The following NLRP5 variants were observed in gnomAD, a reference collection of about 807,000 sequenced individuals.
The protein encoded by NLRP5 is NLR family pyrin domain containing 5, also known as NACHT, LRR and PYD domains-containing protein 5.
In NLRP5, 93 loss-of-function variants were observed where a neutral mutation model predicts 113.1. The ratio of observed to expected loss-of-function variants is 0.82; its 90% CI spans 0.70 to 0.98. The LOEUF (loss-of-function observed/expected upper bound fraction) is 0.98. Ranked by LOEUF, NLRP5 falls within the 50% of genes least tolerant of loss-of-function variation. The pLI, the probability that NLRP5 is intolerant of heterozygous loss-of-function variation, is 0.00. For missense variants in NLRP5, 1,808 were observed against 1,514.3 expected, an observed-to-expected ratio of 1.19 and a Z score of -3.22; for synonymous variants, 751 against 600.7, an observed-to-expected ratio of 1.25 and a Z score of -3.66.
rs549871064 is a variant in NLRP5 at position 56,030,015 on chromosome 19, A to G, written c.2276+1506A>G. On this transcript the variant is annotated intron_variant, in intron 7 of 14. Coordinates refer to ENST00000390649, the MANE Select transcript of NLRP5 (RefSeq NM_153447.4). Reference sequence around the variant, plus strand: ...GGTTGCAGTGAGCCGAGATCACGCCACTGCACTCCAGCCTGGGCAACAGAG... The same window carrying G: ...GGTTGCAGTGAGCCGAGATCACGCCGCTGCACTCCAGCCTGGGCAACAGAG... Among the ~76,000 whole-genome samples, 5 of 151,548 alleles carry G rather than the reference A, an allele frequency of 3.3e-5. No homozygotes were observed. The South Asian group carries it at 1.0e-3, about 32-fold the overall frequency.
In NLRP5 at chr19:56,032,370, C is replaced by T. The variant is rs565035391; in HGVS notation, c.2277-241C>T. On this transcript the variant is annotated intron_variant, in intron 7 of 14. Coordinates refer to ENST00000390649, the MANE Select transcript of NLRP5 (RefSeq NM_153447.4). ...AAAAAAAAAAAAAAAAGATCTGATT[C>T]AGGAGCTGGCGGTTCCCAGTCATGC... 2.0e-5 allele frequency among the ~76,000 whole-genome samples: 3 copies of T among 149,078 alleles called. No homozygotes were observed. The South Asian group carries it at 6.4e-4, about 32-fold the overall frequency.
At chr19:56,006,691 C>T (rs1422261839) in intron 2 of NLRP5, among the ~76,000 whole-genome samples, 1 of 151,856 alleles carries the variant, frequency 6.6e-6, no homozygotes, top group South Asian at 2.1e-4. Flanking sequence ...AAGATCGCGC[C>T]ACTGCACTCC....
rs306447 is a variant in NLRP5 at position 56,038,166 on chromosome 19, A to G, written c.2757A>G (p.Arg919=). 0.24 allele frequency: 389,656 copies of G among 1,612,596 alleles called. 49,478 individuals carry two copies. The highest frequency in any genetic ancestry group is 0.45 in the African/African-American group (33,338 of 74,814). The change falls in exon 10 of 15, where the codon AGA becomes AGG. Residue 919 remains arginine (R), a synonymous_variant. Transcript: ENST00000390649. ...TAATGCCTCTCAGTGATGCCTTGAG[A>G]GTCTCCCAGTGCGCCCTGCAGAAGC...
chr19:56,037,082 TGTC>T (rs1160112958), intron 9 of NLRP5, among the ~76,000 whole-genome samples: 2 of 152,226 alleles, frequency 1.3e-5, no homozygotes, highest in African/African-American at 2.4e-5. Context: ...GTAGTGCTGT[TGTC>T]CTCATTTCCA....
chr19:56,053,877 T>C, intron 13 of NLRP5, 69 bp downstream of exon 13: 1 of 1,435,286 alleles, frequency 7.0e-7, no homozygotes, highest in Non-Finnish European at 9.7e-7. Flanking sequence ...ATGAGGTTGC[T>C]TGAACAGGGA....
At chr19:56,038,576 G>A (rs913091139) in intron 10 of NLRP5, among the ~76,000 whole-genome samples, 1 of 152,114 alleles carries the variant, frequency 6.6e-6, no homozygotes, top group Non-Finnish European at 1.5e-5. Context: ...AACATGGGTG[G>A]CGGTCAGGCT....
chr19:56,030,685 C>T (rs1295405855), intron 7 of NLRP5, among the ~76,000 whole-genome samples: 3 of 138,994 alleles, frequency 2.2e-5, no homozygotes, highest in Non-Finnish European at 4.6e-5. Context: ...CTACCCTGTG[C>T]TATACTTACA....
At chr19:56,017,494 G>T (rs531460110) in intron 4 of NLRP5, among the ~76,000 whole-genome samples, 1 of 152,230 alleles carries the variant, frequency 6.6e-6, no homozygotes, top group Non-Finnish European at 1.5e-5. Context: ...TCATTTCAAA[G>T]TATTTAATTC....
intron 7 of NLRP5, among the ~76,000 whole-genome samples, chr19:56,030,900 G>C (rs1367698946): frequency 1.3e-5 from 2 of 151,670 alleles, no homozygotes; most frequent in Non-Finnish European, 2.9e-5. Flanking sequence ...TTTTAGTAGA[G>C]ATGGGGTTTC....
chr19:55,989,263 T>G, the NLRP5 span, among the ~76,000 whole-genome samples: 1 of 152,124 alleles, frequency 6.6e-6, no homozygotes, highest in Non-Finnish European at 1.5e-5. Context: ...TGATTTTTGG[T>G]GTGTATGTGT....
chr19:56,046,546 G>GA (rs904568912), intron 11 of NLRP5, among the ~76,000 whole-genome samples: 2 of 148,558 alleles, frequency 1.3e-5, no homozygotes, highest in Non-Finnish European at 3.0e-5. Flanking sequence ...ACCACTTCTT[G>GA]TTTTTTTTTT....
intron 9 of NLRP5, among the ~76,000 whole-genome samples, chr19:56,034,469 G>T (rs185096873): frequency 6.6e-6 from 1 of 152,212 alleles, no homozygotes; most frequent in Non-Finnish European, 1.5e-5. Context: ...CTGGGAAACA[G>T]ATCCTGGTAT....
chr19:55,988,977 G>A, the NLRP5 span, among the ~76,000 whole-genome samples: 1 of 152,084 alleles, frequency 6.6e-6, no homozygotes, highest in African/African-American at 2.4e-5. Context: ...CATGTGCTCA[G>A]AAATAAGTAT....
chr19:56,005,144 T>C (rs1262595301), intron 2 of NLRP5, among the ~76,000 whole-genome samples: 2 of 143,206 alleles, frequency 1.4e-5, no homozygotes, highest in African/African-American at 2.5e-5. Flanking sequence ...CACACACACA[T>C]ATATACACAC....
At chr19:56,045,391 T>C (rs544384559) in intron 11 of NLRP5, among the ~76,000 whole-genome samples, 4 of 152,206 alleles carry the variant, frequency 2.6e-5, no homozygotes, top group African/African-American at 9.6e-5. Flanking sequence ...CAGCGAAGGG[T>C]GATGGGATTG....
At chr19:56,001,148 C>A (rs1981629547) in intron 1 of NLRP5, among the ~76,000 whole-genome samples, 2 of 137,448 alleles carry the variant, frequency 1.5e-5, no homozygotes, top group South Asian at 2.5e-4. Flanking sequence ...CATAGTGACA[C>A]CTTGTCTCTA....
At chr19:56,009,434 C>T (rs1245115426) in intron 3 of NLRP5, among the ~76,000 whole-genome samples, 1 of 151,234 alleles carries the variant, frequency 6.6e-6, no homozygotes, top group African/African-American at 2.4e-5. Context: ...CCTTATGACC[C>T]CACTATGACA....
chr19:55,988,050 C>G, the NLRP5 span: 5 of 665,308 alleles, frequency 7.5e-6, no homozygotes, highest in Non-Finnish European at 1.1e-5. Context: ...ACCACAGAAC[C>G]TCAGCTTTGA....
At chr19:56,047,656 C>G (rs1023616337) in intron 11 of NLRP5, among the ~76,000 whole-genome samples, 11 of 152,126 alleles carry the variant, frequency 7.2e-5, no homozygotes, top group African/African-American at 2.4e-4. Flanking sequence ...TATGGTCTAT[C>G]TTGGAGAAGG....
Sources: allele counts gnomAD v4.1 joint callset (sites outside exome capture counted in the v4.1 genomes callset), GRCh38; gene constraint gnomAD v4.1.1; transcripts MANE v1.5; gene names NCBI Gene and HGNC (gene_info 2026-07-23, HGNC 2026-07-21).